PRG3: variants seen among roughly 807,000 people sequenced by gnomAD.
PRG3 encodes the protein proteoglycan 3, pro eosinophil major basic protein 2, also known as proteoglycan 3.
A neutral mutation model predicts 26.1 loss-of-function variants in PRG3; 25 were observed. The observed-to-expected ratio is 0.96, with a 90% CI of 0.70 to 1.34. The LOEUF (loss-of-function observed/expected upper bound fraction) is 1.34, where lower values mean the gene tolerates loss of function less well. PRG3 is among the 40% of genes most tolerant of loss of function. The pLI is 0.00. For missense variants in PRG3, 280 were observed against 264.8 expected (o/e 1.06, Z -0.40); for synonymous variants, 111 against 100.4 (o/e 1.11, Z -0.63).
chr11:57,377,716 C>T lies in PRG3; in HGVS notation c.619+9G>A. ...CCCTTCTCCCTGCCCTGGTGCCCTTCCCCCTCACCTTTGGTGCATAGGGCC... is the reference window on the plus strand; with the variant it reads ...CCCTTCTCCCTGCCCTGGTGCCCTTTCCCCTCACCTTTGGTGCATAGGGCC... On this transcript the variant is annotated intron_variant, in intron 5 of 5. Coordinates refer to ENST00000287143, the MANE Select transcript of PRG3 (RefSeq NM_006093.4). 1 of 1,604,974 alleles carries T rather than the reference C, an allele frequency of 6.2e-7. No homozygotes were observed. Among genetic ancestry groups the T allele is most frequent in the East Asian group, 2.2e-5 (1 of 44,834 alleles).
chr11:57,379,399 C>T, intron 3 of PRG3, 95 bp downstream of exon 3: 2 of 1,278,248 alleles, frequency 1.6e-6, no homozygotes, highest in Non-Finnish European at 2.1e-6. Context: ...GCATGCGAGG[C>T]TTTGAGAACC....
Position 57,376,921 on chromosome 11 carries a change from A to C in PRG3, c.620-13T>G. On this transcript the variant is annotated splice_polypyrimidine_tract_variant and intron_variant, in intron 5 of 5. Coordinates refer to ENST00000287143, the MANE Select transcript of PRG3 (RefSeq NM_006093.4). ...CGCCAATAACCTCCTAGCAGCACAG[A>C]GCACAGTGAAGTCCACCGCCCTGCG... The C allele has an allele frequency of 6.2e-7, 1 of 1,611,896 alleles. No homozygotes were observed. Among genetic ancestry groups the C allele is most frequent in the Non-Finnish European group, 8.5e-7 (1 of 1,179,696 alleles).
At chr11:57,377,655 G>C in intron 5 of PRG3, 70 bp downstream of exon 5, 1 of 1,305,744 alleles carries the variant, frequency 7.7e-7, no homozygotes, top group South Asian at 1.3e-5. Flanking sequence ...TGTTCAGGCA[G>C]CTCAAAGGGG....
intron 1 of PRG3, 86 bp from the exon 2 acceptor site, chr11:57,380,867 C>A (rs1590652685): frequency 1.9e-6 from 1 of 526,364 alleles, no homozygotes. Context: ...CATGAACAGA[C>A]CCTGAGCTGG....
intron 3 of PRG3, 27 bp downstream of exon 3, chr11:57,379,467 C>T: frequency 6.4e-7 from 1 of 1,566,332 alleles, no homozygotes; most frequent in Non-Finnish European, 8.7e-7. Context: ...CCCCCAGGTC[C>T]TCCGCAGTAG....
In PRG3 at chr11:57,379,650, A is replaced by AAAG; in HGVS notation, c.216_218dup (p.Phe73dup). 1 of 1,613,836 alleles carries AAAG rather than the reference A, an allele frequency of 6.2e-7. No homozygotes were observed. Among genetic ancestry groups the AAAG allele is most frequent in the Non-Finnish European group, 8.5e-7 (1 of 1,180,000 alleles). The stretch of plus-strand genomic sequence containing the variant: ...CCGACTCCATGGCTTCCTCATCCTC[A>AAAG]AAGTTGTCTTGACAGGCAGAAGCCT... On this transcript the variant is annotated inframe_insertion, in exon 3 of 6. Coordinates refer to ENST00000287143, the MANE Select transcript of PRG3 (RefSeq NM_006093.4).
rs1366937887 is a variant in PRG3, at chr11:57,377,707, G to C, written c.619+18C>G. 1 of 1,590,086 alleles carries C rather than the reference G, an allele frequency of 6.3e-7. No homozygotes were observed. The highest frequency in any genetic ancestry group is 1.7e-5 in the Admixed American group (1 of 59,630). Reference sequence around the variant, plus strand: ...CTTTACTATCCCTTCTCCCTGCCCTGGTGCCCTTCCCCCTCACCTTTGGTG... The same window carrying C: ...CTTTACTATCCCTTCTCCCTGCCCTCGTGCCCTTCCCCCTCACCTTTGGTG... On this transcript the variant is annotated intron_variant, in intron 5 of 5. Coordinates refer to ENST00000287143, the MANE Select transcript of PRG3 (RefSeq NM_006093.4).
rs376341740 is a variant in PRG3 at position 57,379,661 on chromosome 11, G to A, written c.208C>T (p.Gln70Ter). The A allele has an allele frequency of 3.1e-6, 5 of 1,613,808 alleles. No individual in the cohort carries two copies. In the African/African-American group the frequency reaches 6.7e-5, roughly 22 times the overall value. ...EGEEVKASAC[Q>*]DNFEDEEAME... ...GCTTCCTCATCCTCAAAGTTGTCTT[G>A]ACAGGCAGAAGCCTTGACCTCCTCT... The change falls in exon 3 of 6, where the codon CAA becomes TAA. Residue 70 changes from glutamine (Q) to a stop codon, truncating the protein, a stop_gained. Coordinates refer to ENST00000287143, the MANE Select transcript of PRG3 (RefSeq NM_006093.4). LOFTEE classifies it high-confidence loss of function.
chr11:57,376,864 CG>C lies in PRG3; in HGVS notation c.663del (p.Phe221LeufsTer?). ...RRAQCDKQLPFVCSF is the reference protein window; with the variant it reads ...RRAQCDKQLPXVCSF ...GTGCCGCTGGCTTAGAAGGAGCAGA[CG>C]AAGGGCAGTTGCTTGTCGCATTGAG... On this transcript the variant is annotated frameshift_variant, in exon 6 of 6. Transcript: ENST00000287143. LOFTEE classifies it high-confidence loss of function. 6.2e-7 allele frequency: 1 copy of C among 1,612,542 alleles called. No homozygotes were observed. The highest frequency in any genetic ancestry group is 8.5e-7 in the Non-Finnish European group (1 of 1,179,880).
At position 57,380,774 on chromosome 11, in the gene PRG3, T is replaced by A; in HGVS notation, c.-66A>T. The stretch of plus-strand genomic sequence containing the variant: ...CTTGGGGCTGTCTTTGTGTGTCTAG[T>A]ATAGCCCCTGGCACATAGTATAGAG... On this transcript the variant is annotated 5_prime_UTR_variant, in exon 2 of 6. Transcript: ENST00000287143. The A allele has an allele frequency of 8.6e-7, 1 of 1,160,660 alleles. No homozygotes were observed. Among genetic ancestry groups the A allele is most frequent in the Non-Finnish European group, 1.2e-6 (1 of 837,690 alleles). 71.9% of individuals were successfully genotyped at this position (1,160,660 alleles called of 1,614,324 possible). A position where few individuals can be genotyped will look rare whatever the true frequency, so the allele number is the denominator to read the frequency against.
At chr11:57,379,889 G>T in intron 2 of PRG3, 82 bp from the exon 3 acceptor site, 1 of 1,297,286 alleles carries the variant, frequency 7.7e-7, no homozygotes, top group Non-Finnish European at 1.1e-6. Context: ...CGTCGCTCGA[G>T]CTTTCCTAGG....
In PRG3 at chr11:57,376,909, C is replaced by T; in HGVS notation, c.620-1G>A. The T allele has an allele frequency of 6.2e-7, 1 of 1,612,198 alleles. No individual in the cohort carries two copies. The highest frequency in any genetic ancestry group is 8.5e-7 in the Non-Finnish European group (1 of 1,179,726). ...CATTGAGCTCGTCGCCAATAACCTC[C>T]TAGCAGCACAGAGCACAGTGAAGTC... On this transcript the variant is annotated splice_acceptor_variant, in intron 5 of 5. Transcript: ENST00000287143. LOFTEE classifies it high-confidence loss of function.
chr11:57,377,807 A>C lies in PRG3; in HGVS notation c.537T>G (p.Asp179Glu), dbSNP rs771645308. ...AGTAAGCAAAATTCCAGTGGCTCCC[A>C]TCAGTCCAGCAAAACCGCTTCCACA... ...WFLWKRFCWTDGSHWNFAYWS... is the reference protein window; with the variant it reads ...WFLWKRFCWTEGSHWNFAYWS... The change falls in exon 5 of 6, where the codon GAT becomes GAG. Residue 179 changes from aspartate to glutamate, a missense_variant. Transcript: ENST00000287143. 3.1e-6 allele frequency: 5 copies of C among 1,612,942 alleles called. No homozygotes were observed. The highest frequency in any genetic ancestry group is 1.6e-4 in the Middle Eastern group (1 of 6,082).
chr11:57,380,120 T>G (rs567118), intron 2 of PRG3, among the ~76,000 whole-genome samples: 146,848 of 152,326 alleles, frequency 0.96, 71,061 homozygotes, highest in East Asian at 1. Context: ...GGTTACAGTT[T>G]GCCGGGTGCG....
In PRG3 at chr11:57,377,755, G is replaced by T. The variant is rs758382854; in HGVS notation, c.589C>A (p.Gln197Lys). 1.9e-6 allele frequency: 3 copies of T among 1,612,940 alleles called. No homozygotes were observed. The African/African-American group carries it at 4.0e-5, about 22-fold the overall frequency. ...YWSPGQPGNGQGSCVALCTKG... is the reference protein window; with the variant it reads ...YWSPGQPGNGKGSCVALCTKG... ...GTGCATAGGGCCACACAGGAGCCTT[G>T]CCCATTCCCAGGTTGCCCTGGGGAC... is the stretch of plus-strand genomic sequence containing the variant. The change falls in exon 5 of 6, where the codon CAA becomes AAA. Residue 197 changes from glutamine (Q) to lysine (K), a missense_variant. Transcript: ENST00000287143.
Position 57,377,789 on chromosome 11 carries a change from A to C in PRG3, c.555T>G (p.Phe185Leu). ...CAGGTTGCCCTGGGGACCAGTAAGC[A>C]AAATTCCAGTGGCTCCCATCAGTCC... is the stretch of plus-strand genomic sequence containing the variant. The part of the protein sequence containing the change: ...FCWTDGSHWN[F>L]AYWSPGQPGN... The change falls in exon 5 of 6, where the codon TTT (phenylalanine) becomes TTG (leucine). Residue 185 changes from phenylalanine to leucine, a missense_variant. Phe to Leu is a conservative substitution (Grantham distance 22). Coordinates refer to ENST00000287143, the MANE Select transcript of PRG3 (RefSeq NM_006093.4). 6.2e-7 allele frequency: 1 copy of C among 1,613,172 alleles called. No homozygotes were observed. The highest frequency in any genetic ancestry group is 8.5e-7 in the Non-Finnish European group (1 of 1,179,956).
At position 57,378,733 on chromosome 11, in the gene PRG3, G is replaced by A. The variant is rs778892729; in HGVS notation, c.455C>T (p.Thr152Ile). 5.8e-5 allele frequency: 93 copies of A among 1,613,732 alleles called. No homozygotes were observed. The highest frequency in any genetic ancestry group is 7.2e-5 in the Non-Finnish European group (85 of 1,179,934). ...FNFNYRIQCC[T>I]STVNQAQVWI... is the part of the protein sequence containing the mutation. ...GACCTGGGCTTGGTTGACTGTGCTA[G>A]TGCAGCACTGAATGCGATAGTTGAA... Residue 152 changes from threonine (T) to isoleucine (I), a missense_variant, in exon 4 of 6, where the codon ACT becomes ATT. Physicochemically the swap from Thr to Ile is moderately conservative, Grantham distance 89. Coordinates refer to ENST00000287143, the MANE Select transcript of PRG3 (RefSeq NM_006093.4).
At chr11:57,377,625 G>A (rs1242248253) in intron 5 of PRG3, 100 bp downstream of exon 5, 3 of 950,400 alleles carry the variant, frequency 3.2e-6, no homozygotes, top group African/African-American at 3.3e-5. Context: ...TCAGCGGGAG[G>A]GTCTGAGTTT....
intron 2 of PRG3, 134 bp from the exon 3 acceptor site, chr11:57,379,941 A>G: frequency 2.5e-6 from 2 of 816,124 alleles, no homozygotes; most frequent in Non-Finnish European, 3.7e-6. Flanking sequence ...CCTTGGTGTT[A>G]GGTAAGGAGA....
Sources: gnomAD v4.1 joint callset for allele counts (sites outside exome capture counted in the v4.1 genomes callset) on GRCh38, gnomAD v4.1.1 for gene constraint, MANE v1.5 for transcripts, NCBI Gene and HGNC (gene_info 2026-07-23, HGNC 2026-07-21) for gene names.